SUGCT: variants seen among roughly 807,000 people sequenced by gnomAD.
SUGCT encodes the protein succinyl-CoA:glutarate-CoA transferase.
A neutral mutation model predicts 55.0 loss-of-function variants in SUGCT; 41 were observed. That is an observed-to-expected ratio of 0.74 (90% CI 0.58 to 0.97). SUGCT has a LOEUF of 0.97. Among genes scored for constraint, SUGCT ranks in the 50% least tolerant of loss-of-function variants. The probability of loss-of-function intolerance (pLI) is 0.00; values close to 1 mark genes in which losing one functional copy is unlikely to be tolerated. For missense variants in SUGCT, 568 were observed against 547.8 expected, an observed-to-expected ratio of 1.04 and a Z score of -0.37; for synonymous variants, 187 against 200.4, an observed-to-expected ratio of 0.93 and a Z score of 0.56.
chr7:40,452,857 G>A (rs1789264978), intron 10 of SUGCT, among the ~76,000 whole-genome samples: 1 of 152,050 alleles, frequency 6.6e-6, no homozygotes, highest in African/African-American at 2.4e-5. Flanking sequence ...GATCATACCT[G>A]GACAGAATTG....
intron 12 of SUGCT, among the ~76,000 whole-genome samples, chr7:40,651,570 G>A (rs763844435): frequency 1.3e-5 from 2 of 151,742 alleles, no homozygotes; most frequent in Non-Finnish European, 2.9e-5. Context: ...TTTTTCACTG[G>A]TTTTCCTGTG....
chr7:40,557,919 A>T lies in SUGCT; in HGVS notation c.1089+61533A>T, dbSNP rs368733946. On this transcript the variant is annotated intron_variant, in intron 12 of 13. Transcript: ENST00000335693. ...AACCTTTATTGGTCAACAACAAACA[A>T]ATAACCCAGTTAAAAAATGGTGAAA... Among the ~76,000 whole-genome samples the T allele has an allele frequency of 1.3e-4, 20 of 152,288 alleles. 1 individual carries two copies. The highest frequency in any genetic ancestry group is 4.6e-4 in the African/African-American group (19 of 41,582).
intron 11 of SUGCT, among the ~76,000 whole-genome samples, chr7:40,463,382 A>G (rs1323876409): frequency 6.6e-6 from 1 of 152,204 alleles, no homozygotes; most frequent in African/African-American, 2.4e-5. Flanking sequence ...TCTTGTAAAT[A>G]TACACGTGAA....
intron 12 of SUGCT, among the ~76,000 whole-genome samples, chr7:40,645,834 C>G (rs1800476376): frequency 6.6e-6 from 1 of 152,146 alleles, no homozygotes; most frequent in African/African-American, 2.4e-5. Context: ...GGCTCAGGCT[C>G]TATTCGCAGT....
At chr7:40,406,415 A>G (rs1158220746) in intron 9 of SUGCT, among the ~76,000 whole-genome samples, 1 of 152,094 alleles carries the variant, frequency 6.6e-6, no homozygotes, top group African/African-American at 2.4e-5. Context: ...CCAAGCAAGG[A>G]TGGGTTCATT....
chr7:40,616,175 G>A (rs999451780), intron 12 of SUGCT, among the ~76,000 whole-genome samples: 13 of 152,202 alleles, frequency 8.5e-5, no homozygotes, highest in Non-Finnish European at 1.5e-4. Flanking sequence ...GAAGAAACCA[G>A]GAACTAGGTA....
At chr7:40,572,651 A>G (rs10263677) in intron 12 of SUGCT, among the ~76,000 whole-genome samples, 34,807 of 152,122 alleles carry the variant, frequency 0.23, 7,204 homozygotes, top group African/African-American at 0.55. Flanking sequence ...ACGCCTCTGG[A>G]ATAAATTTAT....
the SUGCT span, among the ~76,000 whole-genome samples, chr7:40,894,555 T>C: frequency 6.6e-6 from 1 of 152,090 alleles, no homozygotes; most frequent in African/African-American, 2.4e-5. Context: ...AGAAAATATA[T>C]GCAAACTATG....
intron 11 of SUGCT, among the ~76,000 whole-genome samples, chr7:40,483,677 C>A (rs951146399): frequency 6.8e-6 from 1 of 146,538 alleles, no homozygotes; most frequent in African/African-American, 2.6e-5. Flanking sequence ...CCTGTAAGTC[C>A]ATAAGAAGAC....
At chr7:40,914,266 TTTTTTC>T in the SUGCT span, among the ~76,000 whole-genome samples, 3 of 139,768 alleles carry the variant, frequency 2.1e-5, no homozygotes, top group East Asian at 2.0e-4. Context: ...ATTTATTTAT[TTTTTTC>T]TTTTTCTTTT....
intron 13 of SUGCT, among the ~76,000 whole-genome samples, chr7:40,775,169 A>C (rs900883580): frequency 3.3e-5 from 5 of 152,224 alleles, no homozygotes; most frequent in African/African-American, 9.7e-5. Flanking sequence ...TTGAAAGATA[A>C]ATGTGCTTTA....
At chr7:40,905,088 G>T in the SUGCT span, among the ~76,000 whole-genome samples, 2 of 152,098 alleles carry the variant, frequency 1.3e-5, no homozygotes, top group African/African-American at 4.8e-5. Context: ...AACAATTTTC[G>T]AGCATTTTCT....
intron 13 of SUGCT, among the ~76,000 whole-genome samples, chr7:40,835,919 G>A: frequency 6.8e-6 from 1 of 147,608 alleles, no homozygotes. Context: ...GTGAGACAGG[G>A]TCTCACTCTG....
chr7:40,553,417 G>A (rs1365448827), intron 12 of SUGCT, among the ~76,000 whole-genome samples: 1 of 152,154 alleles, frequency 6.6e-6, no homozygotes, highest in Non-Finnish European at 1.5e-5. Flanking sequence ...AATTGACCGC[G>A]AATGATGTAA....
At chr7:40,933,520 AAG>A in the SUGCT span, among the ~76,000 whole-genome samples, 1 of 152,148 alleles carries the variant, frequency 6.6e-6, no homozygotes, top group Non-Finnish European at 1.5e-5. Context: ...TAATATCCTG[AAG>A]AGTGTTTTCC....
chr7:40,659,632 T>C (rs2151852039), intron 12 of SUGCT, among the ~76,000 whole-genome samples: 1 of 152,280 alleles, frequency 6.6e-6, no homozygotes, highest in South Asian at 2.1e-4. Flanking sequence ...TTGTGGGTCA[T>C]ATTGCAGGCT....
At chr7:41,036,727 G>A in the SUGCT span, among the ~76,000 whole-genome samples, 1 of 152,144 alleles carries the variant, frequency 6.6e-6, no homozygotes, top group Non-Finnish European at 1.5e-5. Context: ...CCCCGCCCAG[G>A]ACAAACTTCC....
the SUGCT span, among the ~76,000 whole-genome samples, chr7:40,902,395 T>C: frequency 6.6e-6 from 1 of 151,842 alleles, no homozygotes; most frequent in Non-Finnish European, 1.5e-5. Context: ...CTGGCTAATA[T>C]GGTGAAACCC....
chr7:40,628,259 C>T (rs73310219), intron 12 of SUGCT, among the ~76,000 whole-genome samples: 6,628 of 152,280 alleles, frequency 0.044, 485 homozygotes, highest in African/African-American at 0.15. Flanking sequence ...GGGACTACTG[C>T]AAATGTTTTG....
Sources: gnomAD v4.1 joint callset for allele counts (sites outside exome capture counted in the v4.1 genomes callset) on GRCh38, gnomAD v4.1.1 for gene constraint, MANE v1.5 for transcripts, NCBI Gene and HGNC (gene_info 2026-07-23, HGNC 2026-07-21) for gene names.